Variants in TBCA observed in about 807,000 individuals in gnomAD.
The protein encoded by TBCA is tubulin-specific chaperone A.
Under a neutral mutation model 15.8 loss-of-function variants are expected in TBCA, and 6 were observed. The observed-to-expected ratio is 0.38, with a 90% CI of 0.21 to 0.75. The LOEUF (loss-of-function observed/expected upper bound fraction) is 0.75. Among genes scored for constraint, TBCA ranks in the 30% least tolerant of loss-of-function variants. The probability of loss-of-function intolerance (pLI) is 0.46; values close to 1 mark genes in which losing one functional copy is unlikely to be tolerated. For missense variants in TBCA, 90 were observed against 131.2 expected (o/e 0.69, Z 1.53); for synonymous variants, 32 against 42.3 (o/e 0.76, Z 0.94).
Position 77,727,870 on chromosome 5 carries a change from A to G in TBCA, c.54-19523T>C, listed in dbSNP as rs980017541. On this transcript the variant is annotated intron_variant, in intron 1 of 3. Coordinates refer to ENST00000380377, the MANE Select transcript of TBCA (RefSeq NM_004607.3). ...AAAATGCAACAATTTTTAAAAACCT[A>G]AGTAGAAAAGACAGTACTATATTCA... is the stretch of plus-strand genomic sequence containing the variant. Among the ~76,000 whole-genome samples, 3 of 152,154 alleles carry G rather than the reference A, an allele frequency of 2.0e-5. No individual in the cohort carries two copies. In the East Asian group the frequency reaches 5.8e-4, roughly 29 times the overall value.
chr5:77,749,026 C>G (rs1474563587), intron 1 of TBCA, among the ~76,000 whole-genome samples: 1 of 152,204 alleles, frequency 6.6e-6, no homozygotes, highest in Non-Finnish European at 1.5e-5. Context: ...TCAAGCAATT[C>G]AACTTTTTCT....
intron 1 of TBCA, among the ~76,000 whole-genome samples, chr5:77,770,083 TGTGA>T (rs996644798): frequency 2.0e-5 from 3 of 152,252 alleles, no homozygotes; most frequent in African/African-American, 7.2e-5. Context: ...GTTAAATGAT[TGTGA>T]GTGTTTTTTA....
At chr5:77,693,120 A>C (rs1263339850) in intron 3 of TBCA, 146 bp downstream of exon 3, 6 of 1,497,116 alleles carry the variant, frequency 4.0e-6, no homozygotes, top group South Asian at 1.3e-5. Context: ...AAACTCCATT[A>C]ATTATTTTAA....
intron 1 of TBCA, among the ~76,000 whole-genome samples, chr5:77,749,860 C>T (rs562294440): frequency 3.3e-5 from 5 of 152,072 alleles, no homozygotes; most frequent in South Asian, 2.1e-4. Flanking sequence ...ATGTCCATTC[C>T]GAATACTTTG....
At chr5:77,734,232 A>G (rs1746841962) in intron 1 of TBCA, among the ~76,000 whole-genome samples, 1 of 152,264 alleles carries the variant, frequency 6.6e-6, no homozygotes, top group Admixed American at 6.5e-5. Flanking sequence ...CAGCCCATGC[A>G]GCAAAGAATA....
At chr5:77,760,830 G>A (rs1355658328) in intron 1 of TBCA, among the ~76,000 whole-genome samples, 8 of 152,208 alleles carry the variant, frequency 5.3e-5, no homozygotes, top group Admixed American at 2.0e-4. Flanking sequence ...TACAGCCTCT[G>A]CCCGGCTGCC....
At chr5:77,737,832 C>G (rs892548581) in intron 1 of TBCA, among the ~76,000 whole-genome samples, 1 of 152,168 alleles carries the variant, frequency 6.6e-6, no homozygotes, top group Non-Finnish European at 1.5e-5. Context: ...TTTCTCTTCA[C>G]TTTACTGATA....
At chr5:77,708,859 G>A (rs540788260) in intron 1 of TBCA, among the ~76,000 whole-genome samples, 8 of 151,908 alleles carry the variant, frequency 5.3e-5, no homozygotes, top group Non-Finnish European at 8.8e-5. Flanking sequence ...ATGAGCCACC[G>A]TGCCTGGCCC....
At chr5:77,724,644 T>G (rs1746591669) in intron 1 of TBCA, among the ~76,000 whole-genome samples, 1 of 152,178 alleles carries the variant, frequency 6.6e-6, no homozygotes. Context: ...ACCAGTTCCC[T>G]TAACTCCCTT....
chr5:77,730,960 CTGA>C (rs1411490406), intron 1 of TBCA, among the ~76,000 whole-genome samples: 1 of 152,140 alleles, frequency 6.6e-6, no homozygotes, highest in Non-Finnish European at 1.5e-5. Flanking sequence ...CAATATCCTC[CTGA>C]TGAACATTTA....
At chr5:77,717,958 T>C (rs953119390) in intron 1 of TBCA, among the ~76,000 whole-genome samples, 1 of 151,398 alleles carries the variant, frequency 6.6e-6, no homozygotes, top group Non-Finnish European at 1.5e-5. Flanking sequence ...GGAGAAACTC[T>C]GTCTCTACTA....
intron 1 of TBCA, among the ~76,000 whole-genome samples, chr5:77,750,138 C>CTA (rs1381929928): frequency 1.1e-4 from 15 of 140,012 alleles, no homozygotes; most frequent in African/African-American, 4.3e-4. Context: ...TGTGCTCTCT[C>CTA]TCTATATATA....
At chr5:77,738,753 T>C (rs1308552360) in intron 1 of TBCA, among the ~76,000 whole-genome samples, 1 of 152,160 alleles carries the variant, frequency 6.6e-6, no homozygotes, top group Non-Finnish European at 1.5e-5. Flanking sequence ...TGGCTAATTT[T>C]TGTATTTTTA....
At chr5:77,692,745 C>T in intron 3 of TBCA, 1 of 993,034 alleles carries the variant, frequency 1.0e-6, no homozygotes, top group African/African-American at 1.7e-5. Context: ...TTCTGTATCA[C>T]AAGGCATTTA....
intron 2 of TBCA, among the ~76,000 whole-genome samples, chr5:77,707,127 G>C (rs1746167728): frequency 6.6e-6 from 1 of 152,012 alleles, no homozygotes; most frequent in Non-Finnish European, 1.5e-5. Context: ...TAAGATGAGG[G>C]AAAAAAGAGT....
chr5:77,722,277 G>A (rs967903136), intron 1 of TBCA, among the ~76,000 whole-genome samples: 8 of 152,028 alleles, frequency 5.3e-5, no homozygotes, highest in Non-Finnish European at 7.4e-5. Flanking sequence ...ATTACAGCCA[G>A]CTGACTCTAA....
intron 1 of TBCA, among the ~76,000 whole-genome samples, chr5:77,736,363 G>A (rs1746906467): frequency 6.6e-6 from 1 of 150,930 alleles, no homozygotes; most frequent in Admixed American, 6.6e-5. Context: ...AAATCTAGCT[G>A]GAAAAAAATC....
intron 2 of TBCA, among the ~76,000 whole-genome samples, chr5:77,703,981 TTCTC>T (rs374191302): frequency 6.6e-6 from 1 of 151,836 alleles, no homozygotes; most frequent in Admixed American, 6.6e-5. Context: ...CTTGTTCTCC[TTCTC>T]TCTCTCTCTC....
chr5:77,708,509 G>A, intron 1 of TBCA, 162 bp from the exon 2 acceptor site: 2 of 504,120 alleles, frequency 4.0e-6, no homozygotes, highest in African/African-American at 1.9e-5. Context: ...ATAAATATAA[G>A]CATGATCCTC....
Sources: allele counts gnomAD v4.1 joint callset (sites outside exome capture counted in the v4.1 genomes callset), GRCh38; gene constraint gnomAD v4.1.1; transcripts MANE v1.5; gene names NCBI Gene and HGNC (gene_info 2026-07-23, HGNC 2026-07-21).